The following WFS1 variants were observed in gnomAD, a reference collection of about 807,000 sequenced individuals.
WFS1 encodes wolframin ER transmembrane glycoprotein.
A neutral mutation model predicts 68.5 loss-of-function variants in WFS1; 90 were observed. That is an observed-to-expected ratio of 1.31 (90% CI 1.11 to 1.56). The LOEUF (loss-of-function observed/expected upper bound fraction) is 1.56, where lower values mean the gene tolerates loss of function less well. Among genes scored for constraint, WFS1 ranks in the 40% most tolerant of loss-of-function variants. The pLI, the probability that WFS1 is intolerant of heterozygous loss-of-function variation, is 0.00. For synonymous variants in WFS1, 860 were observed against 540.7 expected (o/e 1.59, Z -8.19); for missense variants, 1,767 against 1,232.6 (o/e 1.43, Z -6.49).
intron 7 of WFS1, 97 bp downstream of exon 7, chr4:6,295,286 T>C: frequency 1.3e-6 from 2 of 1,493,140 alleles, no homozygotes. Flanking sequence ...GTGGGGAGGT[T>C]CGCGCCTAAC....
intron 1 of WFS1, among the ~76,000 whole-genome samples, chr4:6,276,426 A>G (rs1198585968): frequency 2.0e-5 from 3 of 151,758 alleles, no homozygotes; most frequent in African/African-American, 7.3e-5. Flanking sequence ...ATCTCTGCTC[A>G]CTCTAGTCTC....
rs560995046 is a variant in WFS1, at chr4:6,283,508, G to A, written c.233-3585G>A. On this transcript the variant is annotated intron_variant, in intron 2 of 7. Transcript: ENST00000226760. This position sits in a 1 kb window ranked among gnomAD's most constrained non-coding sequence, Gnocchi z 5.0. ...TGATGTCATCAGGAAGTACTCCCCC[G>A]CCCCCATTCCACTCTGCTTTCCTGT... Among the ~76,000 whole-genome samples the A allele has an allele frequency of 4.6e-5, 7 of 152,196 alleles. No homozygotes were observed. The East Asian group carries it at 1.3e-3, about 29-fold the overall frequency.
At chr4:6,300,539 GA>G in intron 7 of WFS1, 117 bp from the exon 8 acceptor site, 1 of 1,493,348 alleles carries the variant, frequency 6.7e-7, no homozygotes. Context: ...CTGGTGATGG[GA>G]AAACGCAAGG....
chr4:6,301,324 A>G lies in WFS1; in HGVS notation c.1529A>G (p.Tyr510Cys), dbSNP rs752657099. 10 of 1,611,552 alleles carry G rather than the reference A, an allele frequency of 6.2e-6. No individual in the cohort carries two copies. Among genetic ancestry groups the G allele is most frequent in the South Asian group, 1.1e-5 (1 of 91,068 alleles). Residue 510 changes from tyrosine (Y) to cysteine (C), a missense_variant, in exon 8 of 8, where the codon TAC becomes TGC. Transcript: ENST00000226760. ...AGCGTCCCGTGCCTGCTCTATGTCT[A>G]CCTGCTCTATCTCTTCTTCCGCATG... ...NVSVPCLLYV[Y>C]LLYLFFRMAQ...
chr4:6,281,351 G>A (rs1730163914), intron 2 of WFS1, among the ~76,000 whole-genome samples: 1 of 152,238 alleles, frequency 6.6e-6, no homozygotes, highest in Non-Finnish European at 1.5e-5. Flanking sequence ...GGAATTGGCT[G>A]TGGTGTCAAG....
intron 2 of WFS1, among the ~76,000 whole-genome samples, chr4:6,278,687 C>T (rs757215687): frequency 7.9e-5 from 12 of 152,352 alleles, no homozygotes; most frequent in Middle Eastern, 3.4e-3. Flanking sequence ...GTGGTCGCAG[C>T]GCGCTGAGGC....
chr4:6,286,124 TG>T (rs1014261020), intron 2 of WFS1, among the ~76,000 whole-genome samples: 43 of 152,150 alleles, frequency 2.8e-4, no homozygotes, highest in African/African-American at 1.0e-3. Flanking sequence ...GTCTCCTTGA[TG>T]GATCTAGGAG....
intron 7 of WFS1, among the ~76,000 whole-genome samples, chr4:6,298,555 C>T (rs569748318): frequency 3.0e-4 from 45 of 151,852 alleles, no homozygotes; most frequent in Non-Finnish European, 5.2e-4. Flanking sequence ...TGTTCCCCCA[C>T]GTGTAGACGT....
chr4:6,292,501 TAG>T (rs1182556651), intron 6 of WFS1, among the ~76,000 whole-genome samples: 7 of 149,608 alleles, frequency 4.7e-5, no homozygotes, highest in African/African-American at 7.7e-5. Flanking sequence ...GGTTGGGGGA[TAG>T]AGTCTCTGGG....
intron 7 of WFS1, among the ~76,000 whole-genome samples, chr4:6,299,001 C>G (rs1406820378): frequency 4.6e-5 from 7 of 152,224 alleles, no homozygotes; most frequent in African/African-American, 1.7e-4. Flanking sequence ...CATGTGGGGC[C>G]GCCCCCTAGG....
chr4:6,296,694 G>T (rs187688963), intron 7 of WFS1, among the ~76,000 whole-genome samples: 1 of 152,368 alleles, frequency 6.6e-6, no homozygotes, highest in African/African-American at 2.4e-5. Context: ...CATGGCCCAG[G>T]TGTCCCAGTT....
chr4:6,288,260 A>G (rs1023973315), intron 3 of WFS1, among the ~76,000 whole-genome samples: 1 of 151,610 alleles, frequency 6.6e-6, no homozygotes, highest in Non-Finnish European at 1.5e-5. Flanking sequence ...TCACAGCCAT[A>G]TTGTACTTTA....
In WFS1 at chr4:6,301,653, G is replaced by C. The variant is rs766526922; in HGVS notation, c.1858G>C (p.Val620Leu). Residue 620 changes from valine to leucine, a missense_variant, in exon 8 of 8, where the codon GTG becomes CTG. By Grantham distance (32) the Val-to-Leu change is conservative (BLOSUM62 1). Transcript: ENST00000226760. The part of the protein sequence containing the change: ...LRWWTKASFS[V>L]VGMVKSLTRS... Reference sequence around the variant, plus strand: ...CTGGTGGACCAAGGCCAGCTTCTCTGTGGTGGGGATGGTGAAGTCCCTGAC... The same window carrying C: ...CTGGTGGACCAAGGCCAGCTTCTCTCTGGTGGGGATGGTGAAGTCCCTGAC... The C allele has an allele frequency of 1.9e-6, 3 of 1,613,996 alleles. No individual in the cohort carries two copies. The Admixed American group carries it at 5.0e-5, about 27-fold the overall frequency.
rs545811751 is a variant in WFS1 at position 6,287,279 on chromosome 4, G to A, written c.315+104G>A. ...CAGAGAAGTGTCGGTGCCTGAGATCGGGGTCAGGAGCCAGCGTGGTGCACC... is the reference window on the plus strand; with the variant it reads ...CAGAGAAGTGTCGGTGCCTGAGATCAGGGTCAGGAGCCAGCGTGGTGCACC... On this transcript the variant is annotated intron_variant, in intron 3 of 7. Transcript: ENST00000226760. The surrounding 1 kb of genome is among the most constrained non-coding windows in gnomAD (Gnocchi z 6.4). The A allele has an allele frequency of 9.1e-3, 9,794 of 1,081,114 alleles. 65 individuals carry two copies. Among genetic ancestry groups the A allele is most frequent in the Non-Finnish European group, 0.011 (8,243 of 724,638 alleles). The allele number at this position is 1,081,114 out of a possible 1,614,324, so 67.0% of individuals were successfully genotyped here.
Position 6,287,157 on chromosome 4 carries a change from C to T in WFS1, c.297C>T (p.Asp99=). The change falls in exon 3 of 8, where the codon GAC becomes GAT. Residue 99 remains aspartate (D), a synonymous_variant. Transcript: ENST00000226760. This position sits in a 1 kb window ranked among gnomAD's most constrained non-coding sequence, Gnocchi z 6.4. ...EEVLERAKAG[D]PKAQTEVGKH... is the part of the protein sequence containing the mutation. ...TCCTGGAGAGGGCCAAGGCCGGGGA[C>T]CCCAAGGCACAGACTGAGGTGAGGA... 1.3e-6 allele frequency: 2 copies of T among 1,560,024 alleles called. No individual in the cohort carries two copies. The highest frequency in any genetic ancestry group is 1.2e-5 in the South Asian group (1 of 84,710).
intron 2 of WFS1, among the ~76,000 whole-genome samples, chr4:6,284,708 A>C (rs1171680009): frequency 6.6e-6 from 1 of 151,738 alleles, no homozygotes; most frequent in East Asian, 1.9e-4. Context: ...ACTCACTACA[A>C]AGCATCTCTT....
chr4:6,299,856 TGCG>T (rs1730801335), intron 7 of WFS1, among the ~76,000 whole-genome samples: 1 of 115,012 alleles, frequency 8.7e-6, no homozygotes, highest in Non-Finnish European at 1.7e-5. Flanking sequence ...GTTGTGTGAA[TGCG>T]TGTGTGTAGG....
rs1223003234 is a variant in WFS1, at chr4:6,287,388, C to T, written c.315+213C>T. ...CCTGGCACTCCTCTGGGGAGCAGCGCTCATCCCCCTTTTGTCCAACTCACA... is the reference window on the plus strand; with the variant it reads ...CCTGGCACTCCTCTGGGGAGCAGCGTTCATCCCCCTTTTGTCCAACTCACA... On this transcript the variant is annotated intron_variant, in intron 3 of 7. Coordinates refer to ENST00000226760, the MANE Select transcript of WFS1 (RefSeq NM_006005.3). The surrounding 1 kb of genome is among the most constrained non-coding windows in gnomAD (Gnocchi z 6.4). The T allele has an allele frequency of 6.8e-6, 4 of 588,602 alleles. No individual in the cohort carries two copies. Among genetic ancestry groups the T allele is most frequent in the Non-Finnish European group, 1.2e-5 (4 of 324,922 alleles). The allele number at this position is 588,602 out of a possible 1,614,324, so 36.5% of individuals were successfully genotyped here. A position where few individuals can be genotyped will look rare whatever the true frequency, so the allele number is the denominator to read the frequency against.
chr4:6,294,086 A>T (rs1449928347), intron 6 of WFS1, among the ~76,000 whole-genome samples: 3 of 152,190 alleles, frequency 2.0e-5, no homozygotes, highest in South Asian at 4.1e-4. Flanking sequence ...GAGGTCTGTC[A>T]GCGCCCACTA....
Sources: gnomAD v4.1 joint callset for allele counts (sites outside exome capture counted in the v4.1 genomes callset) on GRCh38, gnomAD v4.1.1 for gene constraint, Gnocchi (gnomAD v3.1) non-coding constraint, MANE v1.5 for transcripts, NCBI Gene and HGNC (gene_info 2026-07-23, HGNC 2026-07-21) for gene names.